PLCH1: variants seen among roughly 807,000 people sequenced by gnomAD.
The protein encoded by PLCH1 is phospholipase C eta 1, also known as 1-phosphatidylinositol 4,5-bisphosphate phosphodiesterase eta-1.
A neutral mutation model predicts 126.7 loss-of-function variants in PLCH1; 60 were observed. The ratio of observed to expected loss-of-function variants is 0.47; its 90% CI spans 0.38 to 0.59. The LOEUF (loss-of-function observed/expected upper bound fraction) is 0.59. PLCH1 is among the 20% of genes least tolerant of loss of function. The pLI is 0.00. For missense variants in PLCH1, 1,723 were observed against 2,040.0 expected (o/e 0.84, Z 2.99); for synonymous variants, 719 against 734.9 (o/e 0.98, Z 0.35).
Position 155,495,306 on chromosome 3 carries a change from G to A in PLCH1, c.1895-789C>T, listed in dbSNP as rs148580884. 6.6e-3 allele frequency among the ~76,000 whole-genome samples: 1,010 copies of A among 152,190 alleles called. 13 individuals are homozygous for A. The highest frequency in any genetic ancestry group is 0.023 in the African/African-American group (966 of 41,514). On this transcript the variant is annotated intron_variant, in intron 15 of 22. Transcript: ENST00000460012. ...ACTCACAGAAGCTGCAAATTTGGGG[G>A]TCATAATGGAGTAAAGCTCCAAACA...
intron 12 of PLCH1, among the ~76,000 whole-genome samples, chr3:155,513,349 G>C (rs533012893): frequency 6.6e-6 from 1 of 152,188 alleles, no homozygotes; most frequent in Non-Finnish European, 1.5e-5. Context: ...TTACCTGATG[G>C]AGAAATTGTC....
At chr3:155,470,048 C>T (rs1378249522) in intron 21 of PLCH1, among the ~76,000 whole-genome samples, 1 of 152,144 alleles carries the variant, frequency 6.6e-6, no homozygotes, top group Non-Finnish European at 1.5e-5. Flanking sequence ...CGCAGTTCCT[C>T]ACCAGCAACG....
At chr3:155,493,679 C>T (rs1716589591) in intron 17 of PLCH1, among the ~76,000 whole-genome samples, 1 of 152,188 alleles carries the variant, frequency 6.6e-6, no homozygotes, top group Admixed American at 6.5e-5. Flanking sequence ...AGCCCCCATG[C>T]CCAGCCTATC....
At chr3:155,632,674 T>G (rs182529749) in intron 2 of PLCH1, among the ~76,000 whole-genome samples, 1 of 152,314 alleles carries the variant, frequency 6.6e-6, no homozygotes, top group African/African-American at 2.4e-5. Flanking sequence ...CTCATACAAT[T>G]TTTCTAAATG....
chr3:155,481,144 C>T lies in PLCH1; in HGVS notation c.4882G>A (p.Ala1628Thr), dbSNP rs142695210. 16 of 1,614,050 alleles carry T rather than the reference C, an allele frequency of 9.9e-6. No individual in the cohort carries two copies. Among genetic ancestry groups the T allele is most frequent in the Middle Eastern group, 3.3e-4 (2 of 6,084 alleles). ...VNRHSTGSYI[A>T]GYLKNTKGGG... ...CCTTTCGTGTTCTTCAGGTAGCCTG[C>T]GATGTAGGAGCCGGTGGAGTGGCGA... Residue 1628 changes from alanine (A) to threonine (T), a missense_variant, in exon 23 of 23, where the codon GCA (alanine) becomes ACA (threonine). Transcript: ENST00000460012. The surrounding 1 kb of genome is among the most constrained non-coding windows in gnomAD (Gnocchi z 4.2).
Position 155,482,849 on chromosome 3 carries a change from T to A in PLCH1, c.3177A>T (p.Thr1059=), listed in dbSNP as rs370210950. Residue 1059 remains threonine, a synonymous_variant, in exon 23 of 23, where the codon ACA becomes ACT. Transcript: ENST00000460012. The part of the protein sequence containing the change: ...GMSSPRGGRT[T]SNATSNCQEN... Reference sequence around the variant, plus strand: ...CCTGGCAATTGCTTGTGGCATTTGATGTGGTTCTCCCACCCCTAGGACTTG... The same window carrying A: ...CCTGGCAATTGCTTGTGGCATTTGAAGTGGTTCTCCCACCCCTAGGACTTG... 2.5e-6 allele frequency: 4 copies of A among 1,614,050 alleles called. No homozygotes were observed. Among genetic ancestry groups the A allele is most frequent in the Non-Finnish European group, 3.4e-6 (4 of 1,180,024 alleles).
rs11920332 is a variant in PLCH1 at position 155,470,641 on chromosome 3, C to G, written c.2938+14715G>C. 9.0e-3 allele frequency among the ~76,000 whole-genome samples: 1,367 copies of G among 151,962 alleles called. 22 individuals are homozygous for G. Among genetic ancestry groups the G allele is most frequent in the African/African-American group, 0.029 (1,213 of 41,386 alleles). On this transcript the variant is annotated intron_variant, in intron 21 of 21. Coordinates refer to the PLCH1 transcript ENST00000494598. ...CATAATTGTCAGATTCACCAAAGTT[C>G]AAATGAAGGAAAAAATGTTAAGGGC...
chr3:155,675,515 T>G (rs192318340), intron 2 of PLCH1, among the ~76,000 whole-genome samples: 21 of 152,318 alleles, frequency 1.4e-4, no homozygotes, highest in Admixed American at 1.2e-3. Flanking sequence ...GAGCTAATTA[T>G]TTTTACTATC....
chr3:155,683,095 T>C (rs358898), intron 2 of PLCH1, among the ~76,000 whole-genome samples: 25,951 of 152,134 alleles, frequency 0.17, 2,597 homozygotes, highest in East Asian at 0.43. Flanking sequence ...GGACAGTAAT[T>C]GCTACACATT....
chr3:155,676,390 A>G, intron 2 of PLCH1: 1 of 1,022,198 alleles, frequency 9.8e-7, no homozygotes, highest in Non-Finnish European at 1.2e-6. Flanking sequence ...TGCTTCGTGC[A>G]GCGCGTTAAA....
At chr3:155,566,911 T>G (rs1452550016) in intron 7 of PLCH1, among the ~76,000 whole-genome samples, 1 of 152,166 alleles carries the variant, frequency 6.6e-6, no homozygotes, top group African/African-American at 2.4e-5. Flanking sequence ...AATTTCTTCA[T>G]GCCAACTTTT....
At chr3:155,470,875 C>G (rs1006731499) in intron 21 of PLCH1, among the ~76,000 whole-genome samples, 2 of 151,980 alleles carry the variant, frequency 1.3e-5, no homozygotes, top group African/African-American at 2.4e-5. Context: ...CAAGCAAATG[C>G]TGAGAGATTT....
chr3:155,615,728 G>T (rs1735720216), intron 2 of PLCH1, among the ~76,000 whole-genome samples: 1 of 152,016 alleles, frequency 6.6e-6, no homozygotes, highest in Admixed American at 6.6e-5. Context: ...AGGACACAAA[G>T]GCATAAGAAT....
At chr3:155,643,437 A>G (rs1305718585) in intron 2 of PLCH1, among the ~76,000 whole-genome samples, 1 of 152,246 alleles carries the variant, frequency 6.6e-6, no homozygotes, top group Admixed American at 6.5e-5. Flanking sequence ...ACCCTGAGAT[A>G]GAATCACCTA....
intron 2 of PLCH1, among the ~76,000 whole-genome samples, chr3:155,678,175 G>A (rs1352081357): frequency 6.6e-6 from 1 of 152,190 alleles, no homozygotes; most frequent in Admixed American, 6.5e-5. Flanking sequence ...TACCCACTGG[G>A]AGTCTTGCTC....
At chr3:155,640,760 A>G (rs562509709) in intron 2 of PLCH1, among the ~76,000 whole-genome samples, 2 of 152,294 alleles carry the variant, frequency 1.3e-5, no homozygotes, top group South Asian at 4.1e-4. Flanking sequence ...TATATAATAT[A>G]TATTAGGACT....
At chr3:155,693,185 G>GAGATTATAGACTATTTTTC (rs1402633529) in intron 2 of PLCH1, among the ~76,000 whole-genome samples, 4 of 33,180 alleles carry the variant, frequency 1.2e-4, no homozygotes, top group Admixed American at 3.1e-4. Flanking sequence ...GCACAGACTT[G>GAGATTATAGACTATTTTTC]CCGGGCGCGG....
At chr3:155,655,773 T>A (rs1741287308) in intron 2 of PLCH1, among the ~76,000 whole-genome samples, 1 of 151,238 alleles carries the variant, frequency 6.6e-6, no homozygotes, top group African/African-American at 2.4e-5. Flanking sequence ...AAAAATCTCT[T>A]CCAAAAAGAA....
At chr3:155,502,908 C>G (rs1451347615) in intron 13 of PLCH1, among the ~76,000 whole-genome samples, 3 of 152,206 alleles carry the variant, frequency 2.0e-5, no homozygotes, top group African/African-American at 7.2e-5. Context: ...AATTATCTCA[C>G]TGACGGGCAG....
Sources: gnomAD v4.1 joint callset for allele counts (sites outside exome capture counted in the v4.1 genomes callset) on GRCh38, gnomAD v4.1.1 for gene constraint, Gnocchi (gnomAD v3.1) non-coding constraint, MANE v1.5 for transcripts, NCBI Gene and HGNC (gene_info 2026-07-23, HGNC 2026-07-21) for gene names.